RHOBTB2: variants seen among roughly 807,000 people sequenced by gnomAD.
RHOBTB2 encodes the protein Rho related BTB domain containing 2, also known as rho-related BTB domain-containing protein 2.
In RHOBTB2, 39 loss-of-function variants were observed where a neutral mutation model predicts 66.5. The observed-to-expected ratio is 0.59, with a 90% CI of 0.45 to 0.77. The LOEUF is 0.77. Ranked by LOEUF, RHOBTB2 falls within the 30% of genes least tolerant of loss-of-function variation. RHOBTB2 has a pLI of 0.00. For missense variants in RHOBTB2, 755 were observed against 999.1 expected (o/e 0.76, Z 3.29); for synonymous variants, 390 against 395.0 (o/e 0.99, Z 0.15).
chr8:23,013,391 T>C (rs538001781), intron 7 of RHOBTB2, among the ~76,000 whole-genome samples: 1 of 152,232 alleles, frequency 6.6e-6, no homozygotes, highest in South Asian at 2.1e-4. Context: ...GTATTCCTTT[T>C]TTTATGGCAC....
rs1810971805 is a variant in RHOBTB2 at position 23,006,942 on chromosome 8, T to C, written c.697T>C (p.Phe233Leu). 1.9e-6 allele frequency: 3 copies of C among 1,612,858 alleles called. No individual in the cohort carries two copies. The change falls in exon 5 of 10, where the codon TTC (phenylalanine) becomes CTC (leucine). Residue 233 changes from phenylalanine (F) to leucine (L), a missense_variant. Physicochemically the swap from Phe to Leu is conservative, Grantham distance 22. Coordinates refer to ENST00000251822, the MANE Select transcript of RHOBTB2 (RefSeq NM_015178.3). The surrounding 1 kb of genome is among the most constrained non-coding windows in gnomAD (Gnocchi z 6.1). ...NVQRPLLQAP[F>L]LPPKPPPPII... The stretch of plus-strand genomic sequence containing the variant: ...GCAGCGGCCTCTGCTGCAGGCACCC[T>C]TCCTACCCCCCAAGCCACCGCCCCC...
upstream of RHOBTB2, chr8:22,995,743 C>G: frequency 9.4e-7 from 1 of 1,066,992 alleles, no homozygotes; most frequent in Non-Finnish European, 1.4e-6. Flanking sequence ...CTGAACTTTG[C>G]CCCAGCTGCA....
At chr8:22,977,167 T>A in the RHOBTB2 span, among the ~76,000 whole-genome samples, 1 of 152,206 alleles carries the variant, frequency 6.6e-6, no homozygotes, top group Non-Finnish European at 1.5e-5. Flanking sequence ...AATACTTCAA[T>A]GAAGAACAAA....
At chr8:22,980,088 A>G in the RHOBTB2 span, among the ~76,000 whole-genome samples, 1 of 151,966 alleles carries the variant, frequency 6.6e-6, no homozygotes, top group Non-Finnish European at 1.5e-5. Flanking sequence ...GCCTCTTAAT[A>G]TATATGTAGA....
chr8:22,974,180 G>A, the RHOBTB2 span, among the ~76,000 whole-genome samples: 4 of 152,162 alleles, frequency 2.6e-5, no homozygotes, highest in East Asian at 5.8e-4. Flanking sequence ...GAGGAAAGCC[G>A]GGAGGAAAGG....
rs2241261 is a variant in RHOBTB2, at chr8:23,019,226, C to T, written c.*1757C>T. The T allele has an allele frequency of 0.47, 71,067 of 152,254 alleles. 16,963 individuals carry two copies. The highest frequency in any genetic ancestry group is 0.52 in the Non-Finnish European group (35,342 of 68,072). The allele number at this position is 152,254 out of a possible 1,614,324, so 9.4% of individuals were successfully genotyped here. On this transcript the variant is annotated 3_prime_UTR_variant, in exon 10 of 10. Coordinates refer to ENST00000251822, the MANE Select transcript of RHOBTB2 (RefSeq NM_015178.3). ...TTGAGCTAACCTGAAACAAAGGTAG[C>T]AGGCAGGACCTAATGACCAGAGGTT...
At chr8:23,005,246 G>A in intron 2 of RHOBTB2, 126 bp from the exon 3 acceptor site, 1 of 674,208 alleles carries the variant, frequency 1.5e-6, no homozygotes, top group South Asian at 1.6e-5. Context: ...GGCGATGCCA[G>A]CCTTGTCCCT....
At chr8:22,985,692 C>T (rs1810274913), upstream of RHOBTB2, among the ~76,000 whole-genome samples, 1 of 152,214 alleles carries the variant, frequency 6.6e-6, no homozygotes, top group South Asian at 2.1e-4. Flanking sequence ...TCCGGCATTC[C>T]CTATAGAACA....
rs550361707 is a variant in RHOBTB2 at position 22,989,494 on chromosome 8, G to A, written c.-137+1931G>A. On this transcript the variant is annotated intron_variant, in intron 1 of 11. Coordinates refer to the RHOBTB2 transcript ENST00000519685. ...TACTGGGCAAGGATTGTTCCCCGGGGTGCTTGTGGATGTGGCAGGGCTCCA... is the reference window on the plus strand; with the variant it reads ...TACTGGGCAAGGATTGTTCCCCGGGATGCTTGTGGATGTGGCAGGGCTCCA... Among the ~76,000 whole-genome samples, 15 of 152,300 alleles carry A rather than the reference G, an allele frequency of 9.8e-5. No individual in the cohort carries two copies. The East Asian group carries it at 2.7e-3, about 27-fold the overall frequency.
At chr8:22,961,825 A>G in the RHOBTB2 span, among the ~76,000 whole-genome samples, 2 of 152,236 alleles carry the variant, frequency 1.3e-5, no homozygotes, top group African/African-American at 4.8e-5. Flanking sequence ...TTTTTCTGCA[A>G]CTGAACCCTG....
chr8:22,992,203 G>T (rs983945149), intron 2 of RHOBTB2: 1 of 152,136 alleles, frequency 6.6e-6, no homozygotes, highest in African/African-American at 2.4e-5. Flanking sequence ...AGAAGAGATG[G>T]GGGGGCTCCT....
chr8:22,999,415 G>T (rs1810685998), upstream of RHOBTB2, among the ~76,000 whole-genome samples: 1 of 151,668 alleles, frequency 6.6e-6, no homozygotes, highest in South Asian at 2.1e-4. Context: ...TGCGGGAGGG[G>T]CGGAAGAGCG....
the RHOBTB2 span, among the ~76,000 whole-genome samples, chr8:22,972,296 G>A: frequency 6.6e-6 from 1 of 152,032 alleles, no homozygotes; most frequent in African/African-American, 2.4e-5. Context: ...ACATAACCTG[G>A]CCCAAAGTAT....
the RHOBTB2 span, among the ~76,000 whole-genome samples, chr8:22,970,553 A>G: frequency 1.3e-5 from 2 of 151,850 alleles, no homozygotes; most frequent in African/African-American, 4.9e-5. Flanking sequence ...GTGAGGTATA[A>G]TCATGCCACT....
At chr8:22,995,047 T>C (rs1258450347), upstream of RHOBTB2, among the ~76,000 whole-genome samples, 1 of 152,252 alleles carries the variant, frequency 6.6e-6, no homozygotes, top group Non-Finnish European at 1.5e-5. Flanking sequence ...ATTACAGGCA[T>C]GAGCCACCGC....
intron 9 of RHOBTB2, among the ~76,000 whole-genome samples, chr8:23,016,601 G>A (rs1226251599): frequency 2.0e-5 from 3 of 151,784 alleles, no homozygotes; most frequent in Non-Finnish European, 4.4e-5. Flanking sequence ...TAGTAGAGAC[G>A]GGGTTTCACC....
At chr8:22,955,916 T>C in the RHOBTB2 span, among the ~76,000 whole-genome samples, 126 of 152,244 alleles carry the variant, frequency 8.3e-4, 1 homozygote, top group African/African-American at 2.8e-3. Context: ...ATAGAGGATA[T>C]GGAAGGATGC....
At chr8:22,988,095 C>A (rs1244749064) in intron 1 of RHOBTB2, among the ~76,000 whole-genome samples, 8 of 151,940 alleles carry the variant, frequency 5.3e-5, no homozygotes, top group Non-Finnish European at 1.2e-4. Flanking sequence ...CACTCTATCT[C>A]CTGCCCCTCC....
rs559073741 is a variant in RHOBTB2, at chr8:23,007,223, C to T, written c.978C>T (p.His326=). 4.0e-5 allele frequency: 64 copies of T among 1,608,686 alleles called. No homozygotes were observed. Among genetic ancestry groups the T allele is most frequent in the Non-Finnish European group, 4.8e-5 (57 of 1,179,492 alleles). The change falls in exon 5 of 10, where the codon CAC becomes CAT. Residue 326 remains histidine, a synonymous_variant. Transcript: ENST00000251822. ...PEDHQGHSDQ[H]HHHHHHHHGR... The stretch of plus-strand genomic sequence containing the variant: ...ACCACCAGGGCCACTCTGATCAACA[C>T]CACCACCATCACCACCACCACCATG...
Sources: gnomAD v4.1 joint callset for allele counts (sites outside exome capture counted in the v4.1 genomes callset) on GRCh38, gnomAD v4.1.1 for gene constraint, Gnocchi (gnomAD v3.1) non-coding constraint, MANE v1.5 for transcripts, NCBI Gene and HGNC (gene_info 2026-07-23, HGNC 2026-07-21) for gene names.